Variants in ABRAXAS2 observed in about 807,000 individuals in gnomAD.
The protein encoded by ABRAXAS2 is BRISC complex subunit Abraxas 2.
Under a neutral mutation model 49.0 loss-of-function variants are expected in ABRAXAS2, and 23 were observed. The ratio of observed to expected loss-of-function variants is 0.47; its 90% CI spans 0.34 to 0.66. The LOEUF (loss-of-function observed/expected upper bound fraction) is 0.66, where lower values mean the gene tolerates loss of function less well. ABRAXAS2 is among the 30% of genes least tolerant of loss of function. The pLI, the probability that ABRAXAS2 is intolerant of heterozygous loss-of-function variation, is 0.01. For missense variants in ABRAXAS2, 443 were observed against 511.9 expected (o/e 0.87, Z 1.30); for synonymous variants, 168 against 180.2 (o/e 0.93, Z 0.54).
intron 2 of ABRAXAS2, among the ~76,000 whole-genome samples, chr10:124,811,551 C>T (rs1195743519): frequency 6.6e-6 from 1 of 151,986 alleles, no homozygotes; most frequent in African/African-American, 2.4e-5. Flanking sequence ...TCCTAGCTAA[C>T]ACGGTGAAAC....
intron 1 of ABRAXAS2, among the ~76,000 whole-genome samples, chr10:124,802,601 C>T (rs1950713573): frequency 6.6e-6 from 1 of 152,136 alleles, no homozygotes; most frequent in Non-Finnish European, 1.5e-5. Flanking sequence ...AGGAGCAGAT[C>T]CTGTCTGTTT....
chr10:124,835,268 TTAAAA>T lies in ABRAXAS2; in HGVS notation c.*302_*306del, dbSNP rs1296082963. On this transcript the variant is annotated 3_prime_UTR_variant, in exon 9 of 9. Transcript: ENST00000298492. ...AACTTATCAGCGTAGTTTCTGTTCT[TTAAAA>T]TAAATTGGAAATTAGAGACTAAGCA... 1 of 231,336 alleles carries T rather than the reference TTAAAA, an allele frequency of 4.3e-6. No homozygotes were observed. Among genetic ancestry groups the T allele is most frequent in the Non-Finnish European group, 8.4e-6 (1 of 119,280 alleles). 14.3% of individuals were successfully genotyped at this position (231,336 alleles called of 1,614,324 possible).
At chr10:124,820,551 G>A (rs373561739) in intron 4 of ABRAXAS2, among the ~76,000 whole-genome samples, 55 of 151,798 alleles carry the variant, frequency 3.6e-4, no homozygotes, top group African/African-American at 1.2e-3. Context: ...GCGCGATCTC[G>A]GCTCACTACA....
intron 7 of ABRAXAS2, 84 bp from the exon 8 acceptor site, chr10:124,831,265 T>C (rs1950930609): frequency 3.7e-6 from 3 of 818,564 alleles, no homozygotes; most frequent in Non-Finnish European, 6.3e-6. Context: ...TCTGGACTTT[T>C]CCTGGAGTTG....
At chr10:124,829,255 A>T (rs1283945254) in intron 6 of ABRAXAS2, 138 bp from the exon 7 acceptor site, 4 of 641,318 alleles carry the variant, frequency 6.2e-6, no homozygotes, top group Non-Finnish European at 1.1e-5. Context: ...TTCTTGTGGT[A>T]TGGGCATTAT....
intron 2 of ABRAXAS2, among the ~76,000 whole-genome samples, chr10:124,810,722 A>G (rs998301863): frequency 4.6e-5 from 7 of 150,900 alleles, no homozygotes; most frequent in Admixed American, 2.6e-4. Flanking sequence ...AGGTGGAACT[A>G]CAGGTGCACG....
At chr10:124,808,264 C>T (rs1371020194) in intron 2 of ABRAXAS2, among the ~76,000 whole-genome samples, 1 of 152,008 alleles carries the variant, frequency 6.6e-6, no homozygotes, top group African/African-American at 2.4e-5. Flanking sequence ...CAAGCTCCGC[C>T]TCCCGGGTTC....
intron 4 of ABRAXAS2, among the ~76,000 whole-genome samples, chr10:124,820,121 T>C (rs1292805472): frequency 6.6e-6 from 1 of 152,200 alleles, no homozygotes; most frequent in African/African-American, 2.4e-5. Context: ...TGTTTAACAG[T>C]GTCAGGAGTA....
Position 124,830,093 on chromosome 10 carries a change from A to G in ABRAXAS2, c.663+616A>G, listed in dbSNP as rs1482864319. 4.5e-4 allele frequency among the ~76,000 whole-genome samples: 69 copies of G among 152,174 alleles called. 3 individuals are homozygous for G. Among genetic ancestry groups the G allele is most frequent in the Admixed American group, 4.5e-3 (69 of 15,272 alleles). On this transcript the variant is annotated intron_variant, in intron 7 of 8. Transcript: ENST00000298492. ...GTTTGAACTGGCCTTTGAGTACAGC[A>G]AAGAAAGTGGTAAAGTTGATGAAGC...
intron 2 of ABRAXAS2, among the ~76,000 whole-genome samples, chr10:124,813,733 G>A (rs1212421748): frequency 6.6e-6 from 1 of 152,150 alleles, no homozygotes; most frequent in Non-Finnish European, 1.5e-5. Flanking sequence ...CCTTCAAAAA[G>A]TACCACACAG....
Position 124,834,515 on chromosome 10 carries a change from A to C in ABRAXAS2, c.792A>C (p.Ala264=). Residue 264 remains alanine, a synonymous_variant, in exon 9 of 9, where the codon GCA becomes GCC. Transcript: ENST00000298492. ...GTTTTCATCCAGGATTGCAGCAGGC[A>C]GTGTTAAGCAGACAGATGCCGTCTG... ...EKEQERRLQQ[A]VLSRQMPSES... is the part of the protein sequence containing the mutation. 1.2e-6 allele frequency: 2 copies of C among 1,612,306 alleles called. No individual in the cohort carries two copies. Among genetic ancestry groups the C allele is most frequent in the Non-Finnish European group, 8.5e-7 (1 of 1,178,704 alleles).
intron 7 of ABRAXAS2, 107 bp downstream of exon 7, chr10:124,829,584 G>A (rs1589810548): frequency 5.6e-6 from 4 of 716,310 alleles, no homozygotes; most frequent in South Asian, 3.8e-5. Context: ...GTTAGGATCC[G>A]AAAGTCAGAA....
At chr10:124,805,911 A>G (rs1018282156) in intron 1 of ABRAXAS2, among the ~76,000 whole-genome samples, 1 of 152,204 alleles carries the variant, frequency 6.6e-6, no homozygotes, top group African/African-American at 2.4e-5. Flanking sequence ...TGTGCAGAAC[A>G]TGGCGCAAGT....
At chr10:124,802,000 T>A in intron 1 of ABRAXAS2, 99 bp downstream of exon 1, 1 of 1,259,268 alleles carries the variant, frequency 7.9e-7, no homozygotes, top group Non-Finnish European at 1.1e-6. Context: ...GCTCGCCCCC[T>A]GGGCACCAGG....
intron 3 of ABRAXAS2, among the ~76,000 whole-genome samples, chr10:124,817,700 G>T (rs1234979489): frequency 2.0e-5 from 3 of 152,026 alleles, no homozygotes; most frequent in Non-Finnish European, 2.9e-5. Context: ...CCAAACACCT[G>T]GCCCCCTTGC....
rs374099715 is a variant in ABRAXAS2 at position 124,828,733 on chromosome 10, A to G, written c.459-23A>G. 2.5e-6 allele frequency: 4 copies of G among 1,609,074 alleles called. No homozygotes were observed. The Admixed American group carries it at 5.0e-5, about 20-fold the overall frequency. On this transcript the variant is annotated intron_variant, in intron 5 of 8. Coordinates refer to ENST00000298492, the MANE Select transcript of ABRAXAS2 (RefSeq NM_032182.4). ...ATGATAGAATGGTACATTTAACATG[A>G]TCTCTCTGAATTTTTCCCATAGGTA...
chr10:124,824,545 AAAAAC>A (rs1950885566), intron 4 of ABRAXAS2, among the ~76,000 whole-genome samples: 2 of 151,992 alleles, frequency 1.3e-5, no homozygotes, highest in South Asian at 4.1e-4. Flanking sequence ...AAAAAAAAAA[AAAAAC>A]AAAACAAAGG....
intron 1 of ABRAXAS2, among the ~76,000 whole-genome samples, chr10:124,806,261 G>T (rs571893665): frequency 6.6e-6 from 1 of 150,980 alleles, no homozygotes; most frequent in Non-Finnish European, 1.5e-5. Context: ...AGCAGAGATC[G>T]CGCCACTGCA....
intron 4 of ABRAXAS2, among the ~76,000 whole-genome samples, chr10:124,822,078 G>A (rs1950864934): frequency 6.6e-6 from 1 of 152,220 alleles, no homozygotes; most frequent in South Asian, 2.1e-4. Flanking sequence ...AAGCCGTCCA[G>A]CCTCAATCCA....
Sources: allele counts gnomAD v4.1 joint callset (sites outside exome capture counted in the v4.1 genomes callset), GRCh38; gene constraint gnomAD v4.1.1; transcripts MANE v1.5; gene names NCBI Gene and HGNC (gene_info 2026-07-23, HGNC 2026-07-21).